Variants in TAFA4 observed in about 807,000 individuals in gnomAD.
TAFA4 encodes the protein TAFA chemokine like family member 4.
Under a neutral mutation model 21.1 loss-of-function variants are expected in TAFA4, and 20 were observed. That is an observed-to-expected ratio of 0.95 (90% CI 0.67 to 1.38). The LOEUF is 1.38. TAFA4 is among the 40% of genes most tolerant of loss of function. The pLI is 0.00. For missense variants in TAFA4, 211 were observed against 180.9 expected, an observed-to-expected ratio of 1.17 and a Z score of -0.95; for synonymous variants, 71 against 67.4, an observed-to-expected ratio of 1.05 and a Z score of -0.26.
At chr3:68,842,596 T>C (rs1704690472) in intron 3 of TAFA4, among the ~76,000 whole-genome samples, 1 of 152,224 alleles carries the variant, frequency 6.6e-6, no homozygotes, top group Non-Finnish European at 1.5e-5. Context: ...GCTTTTGGTG[T>C]TTTAGCCATG....
At chr3:68,820,008 C>T (rs1044667703) in intron 3 of TAFA4, among the ~76,000 whole-genome samples, 1 of 152,060 alleles carries the variant, frequency 6.6e-6, no homozygotes, top group Non-Finnish European at 1.5e-5. Context: ...GCACTATTCA[C>T]AATAACCAAG....
chr3:68,820,689 A>C (rs905325329), intron 3 of TAFA4, among the ~76,000 whole-genome samples: 1 of 152,164 alleles, frequency 6.6e-6, no homozygotes, highest in African/African-American at 2.4e-5. Context: ...AAAATTGCTA[A>C]GAGAAATGAT....
intron 3 of TAFA4, among the ~76,000 whole-genome samples, chr3:68,876,579 G>T (rs1461663659): frequency 6.6e-6 from 1 of 152,088 alleles, no homozygotes; most frequent in Non-Finnish European, 1.5e-5. Flanking sequence ...AGTATTTGCA[G>T]GGTTCCTATA....
At chr3:68,871,525 AT>A (rs1486659685) in intron 3 of TAFA4, among the ~76,000 whole-genome samples, 1 of 152,130 alleles carries the variant, frequency 6.6e-6, no homozygotes, top group Non-Finnish European at 1.5e-5. Flanking sequence ...CCGGGCAAAA[AT>A]TTTTTTAGTA....
chr3:68,776,453 T>C (rs558151038), intron 3 of TAFA4, among the ~76,000 whole-genome samples: 1 of 152,290 alleles, frequency 6.6e-6, no homozygotes, highest in East Asian at 1.9e-4. Flanking sequence ...AAAGGGTCAG[T>C]TTAACAGAAA....
At chr3:68,752,316 A>G (rs1702570064) in intron 4 of TAFA4, among the ~76,000 whole-genome samples, 1 of 152,100 alleles carries the variant, frequency 6.6e-6, no homozygotes, top group Non-Finnish European at 1.5e-5. Flanking sequence ...AACCATCAAC[A>G]TTCATATATA....
intron 3 of TAFA4, among the ~76,000 whole-genome samples, chr3:68,877,142 TGA>T (rs750198934): frequency 3.3e-5 from 5 of 151,968 alleles, no homozygotes; most frequent in Non-Finnish European, 5.9e-5. Flanking sequence ...GTGGATCACT[TGA>T]GGTCAGGAGT....
In TAFA4 at chr3:68,752,949, A is replaced by C. The variant is rs1451894050; in HGVS notation, c.200T>G (p.Ile67Arg). ...CTTGACCGTTTGTGACCGCTCTTCT[A>C]TGCGGTTCTTATTGCAGCACCTGTG... is the stretch of plus-strand genomic sequence containing the variant. ...AVHRCCNKNRIEERSQTVKCS... is the reference protein window; with the variant it reads ...AVHRCCNKNRREERSQTVKCS... The change falls in exon 4 of 6, where the codon ATA becomes AGA. Residue 67 changes from isoleucine to arginine, a missense_variant. Coordinates refer to ENST00000295569, the MANE Select transcript of TAFA4 (RefSeq NM_182522.5). 3 of 1,614,080 alleles carry C rather than the reference A, an allele frequency of 1.9e-6. No homozygotes were observed. Among genetic ancestry groups the C allele is most frequent in the Non-Finnish European group, 2.5e-6 (3 of 1,179,996 alleles).
At chr3:68,804,717 TAATA>T (rs1362956646) in intron 3 of TAFA4, among the ~76,000 whole-genome samples, 2 of 152,206 alleles carry the variant, frequency 1.3e-5, no homozygotes, top group African/African-American at 4.8e-5. Context: ...ATTCCCTATT[TAATA>T]AATGGTGCTG....
intron 3 of TAFA4, among the ~76,000 whole-genome samples, chr3:68,813,270 G>A (rs1029192118): frequency 2.0e-5 from 3 of 152,012 alleles, no homozygotes; most frequent in Non-Finnish European, 4.4e-5. Context: ...AAGAACTAGA[G>A]AAGCAAGAGC....
intron 3 of TAFA4, among the ~76,000 whole-genome samples, chr3:68,860,369 G>C (rs1392846238): frequency 6.6e-6 from 1 of 152,110 alleles, no homozygotes; most frequent in Non-Finnish European, 1.5e-5. Flanking sequence ...GCATACAAAT[G>C]AATGTATTTG....
At chr3:68,904,699 A>G (rs1448516219) in intron 1 of TAFA4, among the ~76,000 whole-genome samples, 3 of 152,192 alleles carry the variant, frequency 2.0e-5, no homozygotes, top group African/African-American at 4.8e-5. Flanking sequence ...GGGGCTCCCA[A>G]GAAGCATAGA....
intron 3 of TAFA4, among the ~76,000 whole-genome samples, chr3:68,861,056 C>T (rs1202162517): frequency 7.3e-6 from 1 of 137,686 alleles, no homozygotes; most frequent in Non-Finnish European, 1.5e-5. Context: ...CACGACTCAG[C>T]AATCCTTCCC....
chr3:68,742,113 T>G (rs1233019622), intron 4 of TAFA4, among the ~76,000 whole-genome samples: 2 of 152,144 alleles, frequency 1.3e-5, no homozygotes. Context: ...AGGATAAAAA[T>G]CATATGGTCA....
At chr3:68,911,264 T>C (rs985692011) in intron 1 of TAFA4, among the ~76,000 whole-genome samples, 2 of 152,202 alleles carry the variant, frequency 1.3e-5, no homozygotes, top group Non-Finnish European at 2.9e-5. Context: ...TTAACAGCTT[T>C]CCCCCATGTT....
chr3:68,749,684 T>G (rs1702525323), intron 4 of TAFA4, among the ~76,000 whole-genome samples: 1 of 152,208 alleles, frequency 6.6e-6, no homozygotes, highest in African/African-American at 2.4e-5. Context: ...CCAGACAATG[T>G]TAGGTATAGG....
At chr3:68,835,589 C>T (rs1704504369) in intron 3 of TAFA4, among the ~76,000 whole-genome samples, 1 of 152,172 alleles carries the variant, frequency 6.6e-6, no homozygotes, top group Non-Finnish European at 1.5e-5. Context: ...GTTAGTTGCT[C>T]AAGTGGAGCA....
At chr3:68,835,704 C>G (rs995534713) in intron 3 of TAFA4, among the ~76,000 whole-genome samples, 3 of 152,172 alleles carry the variant, frequency 2.0e-5, no homozygotes, top group Admixed American at 1.3e-4. Flanking sequence ...TTACAGGTGA[C>G]ATAATTAGGT....
At chr3:68,843,774 TC>T (rs1704723590) in intron 3 of TAFA4, among the ~76,000 whole-genome samples, 1 of 152,256 alleles carries the variant, frequency 6.6e-6, no homozygotes, top group Non-Finnish European at 1.5e-5. Flanking sequence ...ATTGAGATAA[TC>T]ATGTGGTTTT....
Sources: allele counts gnomAD v4.1 joint callset (sites outside exome capture counted in the v4.1 genomes callset), GRCh38; gene constraint gnomAD v4.1.1; transcripts MANE v1.5; gene names NCBI Gene and HGNC (gene_info 2026-07-23, HGNC 2026-07-21).